Variants in TET2 observed in about 807,000 individuals in gnomAD.
The protein encoded by TET2 is tet methylcytosine dioxygenase 2.
In TET2, 299 loss-of-function variants were observed where a neutral mutation model predicts 142.9. The ratio of observed to expected loss-of-function variants is 2.09; its 90% CI spans 1.90 to 2.30. TET2 has a LOEUF of 2.30. Among genes scored for constraint, TET2 ranks in the 30% most tolerant of loss-of-function variants. The probability of loss-of-function intolerance (pLI) is 0.00; values close to 1 mark genes in which losing one functional copy is unlikely to be tolerated. For synonymous variants in TET2, 819 were observed against 849.0 expected, an observed-to-expected ratio of 0.96 and a Z score of 0.61; for missense variants, 2,418 against 2,378.0, an observed-to-expected ratio of 1.02 and a Z score of -0.35.
rs774938338 is a variant in TET2 at position 105,237,075 on chromosome 4, G to T, written c.3133G>T (p.Ala1045Ser). 18 of 1,614,126 alleles carry T rather than the reference G, an allele frequency of 1.1e-5. No homozygotes were observed. The highest frequency in any genetic ancestry group is 1.7e-5 in the Admixed American group (1 of 60,012). ...FHAKSLFDHKALTLKSQKQVK... is the reference protein window; with the variant it reads ...FHAKSLFDHKSLTLKSQKQVK... Reference sequence around the variant, plus strand: ...CGCCAAGTCGTTATTTGACCATAAGGCTCTTACTCTCAAATCACAGAAGCA... The same window carrying T: ...CGCCAAGTCGTTATTTGACCATAAGTCTCTTACTCTCAAATCACAGAAGCA... The change falls in exon 3 of 11, where the codon GCT becomes TCT. Residue 1045 changes from alanine (A) to serine (S), a missense_variant. By Grantham distance (99) the Ala-to-Ser change is moderately conservative. Transcript: ENST00000380013.
rs1263593550 is a variant in TET2 at position 105,234,152 on chromosome 4, G to A, written c.210G>A (p.Gln70=). ...GAATACCCTGTATGAAGGGAAGCCA[G>A]AATAGTCGTGTGAGTCCTGACTTTA... The part of the protein sequence containing the change: ...YYGIPCMKGS[Q]NSRVSPDFTQ... The change falls in exon 3 of 11, where the codon CAG becomes CAA. Residue 70 remains glutamine (Q), a synonymous_variant. Transcript: ENST00000380013. 1 of 1,614,070 alleles carries A rather than the reference G, an allele frequency of 6.2e-7. No homozygotes were observed. Among genetic ancestry groups the A allele is most frequent in the Non-Finnish European group, 8.5e-7 (1 of 1,180,032 alleles).
Position 105,275,231 on chromosome 4 carries a change from A to T in TET2, c.4721A>T (p.Asn1574Ile). Residue 1574 changes from asparagine (N) to isoleucine (I), a missense_variant, in exon 11 of 11, where the codon AAT becomes ATT. Transcript: ENST00000380013. ...GSTNPYMRRP[N>I]PVSPYPNSSH... The stretch of plus-strand genomic sequence containing the variant: ...ACCAATCCATACATGAGACGGCCCA[A>T]TCCAGTTAGTCCTTATCCAAACTCT... The T allele has an allele frequency of 6.4e-6, 10 of 1,552,302 alleles. No homozygotes were observed. Among genetic ancestry groups the T allele is most frequent in the Non-Finnish European group, 8.7e-6 (10 of 1,147,098 alleles).
intron 2 of TET2, among the ~76,000 whole-genome samples, chr4:105,209,004 G>C (rs1397498013): frequency 7.6e-6 from 1 of 132,020 alleles, no homozygotes; most frequent in Non-Finnish European, 1.6e-5. Context: ...CATTTAATAA[G>C]ATACAATTTG....
At chr4:105,210,739 A>G (rs1727109421) in intron 2 of TET2, among the ~76,000 whole-genome samples, 1 of 152,060 alleles carries the variant, frequency 6.6e-6, no homozygotes, top group African/African-American at 2.4e-5. Context: ...TCCATTACCA[A>G]GTTGTTCTGT....
intron 8 of TET2, among the ~76,000 whole-genome samples, chr4:105,265,393 A>G (rs1279038205): frequency 6.6e-6 from 1 of 152,244 alleles, no homozygotes; most frequent in Non-Finnish European, 1.5e-5. Flanking sequence ...TCTTCCAGAC[A>G]TTTAGATGGA....
Position 105,259,679 on chromosome 4 carries a change from T to G in TET2, c.3864T>G (p.Gly1288=), listed in dbSNP as rs1366542128. ...PETCGASFSF[G]CSWSMYYNGC... Reference sequence around the variant, plus strand: ...CCTGTGGTGCCTCCTTCTCTTTTGGTTGTTCATGGAGCATGTACTACAATG... The same window carrying G: ...CCTGTGGTGCCTCCTTCTCTTTTGGGTGTTCATGGAGCATGTACTACAATG... The change falls in exon 7 of 11, where the codon GGT becomes GGG. Residue 1288 remains glycine (G), a synonymous_variant. Coordinates refer to ENST00000380013, the MANE Select transcript of TET2 (RefSeq NM_001127208.3). 1.3e-6 allele frequency: 2 copies of G among 1,551,128 alleles called. No homozygotes were observed. Among genetic ancestry groups the G allele is most frequent in the Non-Finnish European group, 1.7e-6 (2 of 1,146,622 alleles).
chr4:105,214,811 T>C (rs1268732338), intron 2 of TET2, among the ~76,000 whole-genome samples: 1 of 152,128 alleles, frequency 6.6e-6, no homozygotes, highest in Non-Finnish European at 1.5e-5. Flanking sequence ...TTCCTTATAC[T>C]TCACCCTAAG....
At chr4:105,219,649 G>A (rs1474264097) in intron 2 of TET2, among the ~76,000 whole-genome samples, 1 of 151,922 alleles carries the variant, frequency 6.6e-6, no homozygotes, top group Non-Finnish European at 1.5e-5. Context: ...GGTTTTGTTT[G>A]TTTGTTTTTT....
Position 105,234,649 on chromosome 4 carries a change from A to G in TET2, c.707A>G (p.Asp236Gly), listed in dbSNP as rs1461951239. Reference sequence around the variant, plus strand: ...AAAACACTGTCTCAATATTATCCAGATTGTGTTTCCATTGCGGTGCAGAAA... The same window carrying G: ...AAAACACTGTCTCAATATTATCCAGGTTGTGTTTCCATTGCGGTGCAGAAA... ...LEKTLSQYYP[D>G]CVSIAVQKTT... The change falls in exon 3 of 11, where the codon GAT (aspartate) becomes GGT (glycine). Residue 236 changes from aspartate to glycine, a missense_variant. Asp to Gly is a moderately conservative substitution (Grantham distance 94, BLOSUM62 -1). Transcript: ENST00000380013. 6.2e-7 allele frequency: 1 copy of G among 1,614,052 alleles called. No individual in the cohort carries two copies. Among genetic ancestry groups the G allele is most frequent in the East Asian group, 2.2e-5 (1 of 44,872 alleles).
In TET2 at chr4:105,259,635, C is replaced by G; in HGVS notation, c.3820C>G (p.Gln1274Glu). Residue 1274 changes from glutamine to glutamate, a missense_variant, in exon 7 of 11, where the codon CAG (glutamine) becomes GAG (glutamate). Transcript: ENST00000380013. ...ALNEERTCACQGLDPETCGAS... is the reference protein window; with the variant it reads ...ALNEERTCACEGLDPETCGAS... Reference sequence around the variant, plus strand: ...ATTTTTCAGGAGAACTTGCGCCTGTCAGGGGCTGGATCCAGAAACCTGTGG... The same window carrying G: ...ATTTTTCAGGAGAACTTGCGCCTGTGAGGGGCTGGATCCAGAAACCTGTGG... 1.3e-6 allele frequency: 2 copies of G among 1,550,920 alleles called. No individual in the cohort carries two copies. Among genetic ancestry groups the G allele is most frequent in the Non-Finnish European group, 1.7e-6 (2 of 1,146,420 alleles).
chr4:105,179,367 C>A (rs1027439276), intron 1 of TET2, among the ~76,000 whole-genome samples: 8 of 152,106 alleles, frequency 5.3e-5, no homozygotes, highest in Non-Finnish European at 1.2e-4. Flanking sequence ...CAACACAAAT[C>A]TTTCATTAAA....
In TET2 at chr4:105,235,096, C is replaced by G. The variant is rs1272232802; in HGVS notation, c.1154C>G (p.Ser385Ter). The part of the protein sequence containing the change: ...EMNGAYFKQS[S>*]VFTKDSFSAT... ...AATGGTGCTTACTTCAAGCAAAGCT[C>G]AGTGTTCACTAAGGATTCCTTTTCT... is the stretch of plus-strand genomic sequence containing the variant. Residue 385 changes from serine to a stop codon, truncating the protein, a stop_gained, in exon 3 of 11, where the codon TCA becomes TGA. Coordinates refer to ENST00000380013, the MANE Select transcript of TET2 (RefSeq NM_001127208.3). LOFTEE classifies it high-confidence loss of function. 1 of 1,614,068 alleles carries G rather than the reference C, an allele frequency of 6.2e-7. No homozygotes were observed. The highest frequency in any genetic ancestry group is 1.7e-5 in the Admixed American group (1 of 60,004).
chr4:105,205,052 G>T (rs1239512712), intron 2 of TET2, among the ~76,000 whole-genome samples: 1 of 152,004 alleles, frequency 6.6e-6, no homozygotes, highest in East Asian at 1.9e-4. Flanking sequence ...GTCAATAAAA[G>T]AGTTTTAAGA....
intron 6 of TET2, among the ~76,000 whole-genome samples, chr4:105,258,322 T>C (rs1730244153): frequency 6.6e-6 from 1 of 152,224 alleles, no homozygotes; most frequent in South Asian, 2.1e-4. Flanking sequence ...CATTTCTAAT[T>C]GTAAAATTCC....
chr4:105,239,074 G>GTTTTTTTGTTTTTT (rs60653050), intron 3 of TET2: 17 of 211,958 alleles, frequency 8.0e-5, no homozygotes, highest in East Asian at 7.4e-5. Context: ...TTTGTTTTTT[G>GTTTTTTTGTTTTTT]TTTTTTTTTT....
intron 2 of TET2, among the ~76,000 whole-genome samples, chr4:105,210,404 T>A (rs976794724): frequency 6.6e-6 from 1 of 152,184 alleles, no homozygotes; most frequent in African/African-American, 2.4e-5. Flanking sequence ...CTTCTCCAAC[T>A]GTACTCTTAC....
At chr4:105,261,737 T>G (rs1048609768) in intron 7 of TET2, 22 bp from the exon 8 acceptor site, 51 of 1,421,032 alleles carry the variant, frequency 3.6e-5, no homozygotes, top group Non-Finnish European at 4.7e-5. Context: ...ATTTAATATG[T>G]AGAATTATTC....
At chr4:105,205,143 C>A (rs929464885) in intron 2 of TET2, among the ~76,000 whole-genome samples, 1 of 152,026 alleles carries the variant, frequency 6.6e-6, no homozygotes, top group Non-Finnish European at 1.5e-5. Context: ...TTCCTTATTT[C>A]AAAGCTTTGC....
At position 105,191,808 on chromosome 4, in the gene TET2, AT is replaced by A. The variant is rs528439010; in HGVS notation, c.-47+1307del. Among the ~76,000 whole-genome samples the A allele has an allele frequency of 6.7e-3, 1,015 of 152,262 alleles. 5 individuals carry two copies. Among genetic ancestry groups the A allele is most frequent in the Non-Finnish European group, 0.011 (747 of 68,018 alleles). On this transcript the variant is annotated intron_variant, in intron 2 of 10. Coordinates refer to ENST00000380013, the MANE Select transcript of TET2 (RefSeq NM_001127208.3). ...TCTAGATTACCTCTCTACCTTGGGAATTTTAAGTCACTCTGTGAGGGAAAGA... is the reference window on the plus strand; with the variant it reads ...TCTAGATTACCTCTCTACCTTGGGAATTTAAGTCACTCTGTGAGGGAAAGA...
Sources: gnomAD v4.1 joint callset for allele counts (sites outside exome capture counted in the v4.1 genomes callset) on GRCh38, gnomAD v4.1.1 for gene constraint, MANE v1.5 for transcripts, NCBI Gene and HGNC (gene_info 2026-07-23, HGNC 2026-07-21) for gene names.